Variants in PCDHA9 observed in about 807,000 individuals in gnomAD.
PCDHA9 encodes protocadherin alpha-9.
PCDHA9 carries 62 observed loss-of-function variants against 62.0 expected under a neutral mutation model. The ratio of observed to expected loss-of-function variants is 1.00; its 90% CI spans 0.81 to 1.23. PCDHA9 has a LOEUF of 1.23. Ranked by LOEUF, PCDHA9 falls within the 50% of genes most tolerant of loss-of-function variation. The pLI, the probability that PCDHA9 is intolerant of heterozygous loss-of-function variation, is 0.00. For missense variants in PCDHA9, 1,205 were observed against 1,249.8 expected, an observed-to-expected ratio of 0.96 and a Z score of 0.54; for synonymous variants, 557 against 567.6, an observed-to-expected ratio of 0.98 and a Z score of 0.27.
chr5:140,878,927 A>G (rs1176306554), intron 1 of PCDHA9, among the ~76,000 whole-genome samples: 1 of 152,216 alleles, frequency 6.6e-6, no homozygotes, highest in African/African-American at 2.4e-5. Context: ...TCAATCAATA[A>G]TTTTAAATAA....
intron 1 of PCDHA9, chr5:140,851,502 T>C (rs1581260413): frequency 6.6e-6 from 6 of 903,186 alleles, no homozygotes; most frequent in Middle Eastern, 1.2e-3. Context: ...TTTCAACTTA[T>C]ATAAAATATG....
intron 1 of PCDHA9, among the ~76,000 whole-genome samples, chr5:140,920,226 T>C (rs190564528): frequency 6.6e-6 from 1 of 152,042 alleles, no homozygotes; most frequent in East Asian, 1.9e-4. Context: ...ACATTTATAG[T>C]ATTATATACC....
chr5:140,913,125 C>G (rs1164527264), intron 1 of PCDHA9, among the ~76,000 whole-genome samples: 1 of 152,132 alleles, frequency 6.6e-6, no homozygotes, highest in Non-Finnish European at 1.5e-5. Context: ...AAGTTAACCC[C>G]TCCTCTACTT....
chr5:140,941,224 T>TTTCTTTCTTTCTTTCTTTCTTTCC (rs2092912857), intron 1 of PCDHA9, among the ~76,000 whole-genome samples: 1 of 137,372 alleles, frequency 7.3e-6, no homozygotes, highest in Non-Finnish European at 1.6e-5. Context: ...CCTTTCTTTC[T>TTTCTTTCTTTCTTTCTTTCTTTCC]TTCTTTCTTT....
Position 140,855,527 on chromosome 5 carries a change from G to C in PCDHA9, c.2394+4638G>C, listed in dbSNP as rs1017117704. ...TTAAATCTCAAAATAATGAGAAAGA[G>C]AAGTAAGTTAAGTGTCAGAACTTAA... On this transcript the variant is annotated intron_variant, in intron 1 of 3. Coordinates refer to ENST00000532602, the MANE Select transcript of PCDHA9 (RefSeq NM_031857.2). 1.3e-5 allele frequency among the ~76,000 whole-genome samples: 2 copies of C among 149,890 alleles called. 1 individual carries two copies. The highest frequency in any genetic ancestry group is 4.9e-5 in the African/African-American group (2 of 40,842).
intron 1 of PCDHA9, chr5:140,966,970 G>A (rs1554228990): frequency 6.2e-7 from 1 of 1,602,870 alleles, no homozygotes; most frequent in Admixed American, 1.7e-5. Flanking sequence ...TGGGGCTTGA[G>A]CTGCGGCGCT....
At chr5:140,927,808 T>A (rs782535814) in intron 1 of PCDHA9, 1 of 1,614,208 alleles carries the variant, frequency 6.2e-7, no homozygotes, top group African/African-American at 1.3e-5. Context: ...TGAAACGCTC[T>A]TGGAGGCATA....
chr5:140,931,136 C>T (rs2087318079), intron 1 of PCDHA9, among the ~76,000 whole-genome samples: 1 of 152,166 alleles, frequency 6.6e-6, no homozygotes, highest in African/African-American at 2.4e-5. Context: ...GTGATATTTG[C>T]AGTGGATACT....
chr5:140,869,945 T>C lies in PCDHA9; in HGVS notation c.2394+19056T>C, dbSNP rs528075021. On this transcript the variant is annotated intron_variant, in intron 1 of 3. Transcript: ENST00000532602. ...GTCAATGGAGAGGTAACATACTCCTTAATGTCAATTAAGCCCAATGGAAGA... is the reference window on the plus strand; with the variant it reads ...GTCAATGGAGAGGTAACATACTCCTCAATGTCAATTAAGCCCAATGGAAGA... 8 of 1,612,376 alleles carry C rather than the reference T, an allele frequency of 5.0e-6. No individual in the cohort carries two copies. The African/African-American group carries it at 8.0e-5, about 16-fold the overall frequency.
chr5:140,945,182 A>G (rs2093754559), intron 1 of PCDHA9, among the ~76,000 whole-genome samples: 1 of 152,174 alleles, frequency 6.6e-6, no homozygotes, highest in Non-Finnish European at 1.5e-5. Context: ...ATAAATCAAG[A>G]AAACCATGCT....
At chr5:140,971,682 T>C (rs782404162) in intron 1 of PCDHA9, among the ~76,000 whole-genome samples, 5 of 152,156 alleles carry the variant, frequency 3.3e-5, no homozygotes, top group Non-Finnish European at 4.4e-5. Flanking sequence ...AGTAAGGGAA[T>C]TTGTACTCAC....
chr5:140,876,191 C>T (rs1313911800), intron 1 of PCDHA9: 3 of 1,613,760 alleles, frequency 1.9e-6, no homozygotes, highest in Non-Finnish European at 2.5e-6. Context: ...GACAATGGTC[C>T]GGCGTTTGAT....
At chr5:140,887,757 C>T (rs1303665192) in intron 1 of PCDHA9, among the ~76,000 whole-genome samples, 16 of 152,166 alleles carry the variant, frequency 1.1e-4, no homozygotes, top group Admixed American at 9.8e-4. Flanking sequence ...TCCAGTAACA[C>T]ATATGTTACA....
At chr5:140,876,556 G>A (rs369915148) in intron 1 of PCDHA9, 10 of 1,614,204 alleles carry the variant, frequency 6.2e-6, no homozygotes, top group Non-Finnish European at 8.5e-6. Flanking sequence ...TGTGCAAGAG[G>A]ATGCTCAGGT....
chr5:140,988,009 A>C (rs1223658003), intron 3 of PCDHA9, among the ~76,000 whole-genome samples: 3 of 152,204 alleles, frequency 2.0e-5, no homozygotes, highest in Non-Finnish European at 4.4e-5. Context: ...CCCCAGAAAG[A>C]AAGCATGATT....
At position 140,848,921 on chromosome 5, in the gene PCDHA9, C is replaced by A. The variant is rs149924043; in HGVS notation, c.426C>A (p.Ile142=). The A allele has an allele frequency of 2.3e-3, 3,692 of 1,607,738 alleles. 94 individuals carry two copies. Among genetic ancestry groups the A allele is most frequent in the Middle Eastern group, 9.4e-3 (57 of 6,032 alleles). The change falls in exon 1 of 4, where the codon ATC becomes ATA. Residue 142 remains isoleucine, a synonymous_variant. Coordinates refer to ENST00000532602, the MANE Select transcript of PCDHA9 (RefSeq NM_031857.2). ...VFPATQKNLF[I]AESRPLDSRF... ...CAGCGACACAAAAGAATCTGTTCAT[C>A]GCGGAATCCAGGCCGCTTGACTCTC...
intron 1 of PCDHA9, chr5:140,969,181 T>C (rs1554231546): frequency 1.2e-6 from 2 of 1,613,978 alleles, no homozygotes; most frequent in Non-Finnish European, 8.5e-7. Flanking sequence ...GGAGTGACAC[T>C]TTCATGTTTT....
intron 2 of PCDHA9, among the ~76,000 whole-genome samples, chr5:140,980,472 A>G (rs782408123): frequency 6.6e-6 from 1 of 152,210 alleles, no homozygotes; most frequent in Non-Finnish European, 1.5e-5. Context: ...TCTACTAAAA[A>G]TACAAAAATT....
chr5:140,856,146 C>CA, intron 1 of PCDHA9: 2 of 1,598,308 alleles, frequency 1.3e-6, no homozygotes, highest in Non-Finnish European at 1.7e-6. Context: ...CTCCACTACT[C>CA]AGTCTACGAG....
Sources: gnomAD v4.1 joint callset for allele counts (sites outside exome capture counted in the v4.1 genomes callset) on GRCh38, gnomAD v4.1.1 for gene constraint, MANE v1.5 for transcripts, NCBI Gene and HGNC (gene_info 2026-07-23, HGNC 2026-07-21) for gene names.